The following LTBP4 variants were observed in gnomAD, a reference collection of about 807,000 sequenced individuals.
The protein encoded by LTBP4 is latent transforming growth factor beta binding protein 4.
In LTBP4, 93 loss-of-function variants were observed where a neutral mutation model predicts 180.2. That is an observed-to-expected ratio of 0.52 (90% CI 0.44 to 0.61). The LOEUF (loss-of-function observed/expected upper bound fraction) is 0.61. LTBP4 is among the 20% of genes least tolerant of loss of function. LTBP4 has a pLI of 0.00. For synonymous variants in LTBP4, 947 were observed against 934.5 expected (o/e 1.01, Z -0.24); for missense variants, 2,116 against 2,256.5 (o/e 0.94, Z 1.26).
chr19:40,614,720 C>T (rs960811499), intron 19 of LTBP4, among the ~76,000 whole-genome samples: 2 of 152,098 alleles, frequency 1.3e-5, no homozygotes, highest in Non-Finnish European at 2.9e-5. Flanking sequence ...AGTAAGACAC[C>T]GCCCCAAAAC....
chr19:40,617,279 G>A (rs1326264142), intron 21 of LTBP4, 54 bp downstream of exon 21: 3 of 1,579,060 alleles, frequency 1.9e-6, no homozygotes, highest in Non-Finnish European at 2.6e-6. Flanking sequence ...AGGTTGGTCA[G>A]GCCCTGTCCC....
At chr19:40,623,801 G>A (rs1842228715) in intron 25 of LTBP4, 69 bp downstream of exon 25, 6 of 1,603,372 alleles carry the variant, frequency 3.7e-6, no homozygotes, top group Non-Finnish European at 5.1e-6. Flanking sequence ...CTCCCCTCTG[G>A]AATGTGGCCA....
chr19:40,594,077 C>T lies in LTBP4; in HGVS notation c.16+896C>T, dbSNP rs573665688. Reference sequence around the variant, plus strand: ...CCTCCCAAAGTGCTGGGATTACAGACGTGAGCCGGCCTTATTCTGGGGGAG... The same window carrying T: ...CCTCCCAAAGTGCTGGGATTACAGATGTGAGCCGGCCTTATTCTGGGGGAG... On this transcript the variant is annotated intron_variant, in intron 1 of 32. Transcript: ENST00000204005. Among the ~76,000 whole-genome samples the T allele has an allele frequency of 2.3e-4, 32 of 139,938 alleles. 1 individual carries two copies. In the East Asian group the frequency reaches 3.8e-3, roughly 16 times the overall value. 91.8% of individuals were successfully genotyped at this position (139,938 alleles called of 152,430 possible). A position where few individuals can be genotyped will look rare whatever the true frequency, so the allele number is the denominator to read the frequency against.
rs2081490170 is a variant in LTBP4, at chr19:40,609,694, G to A, written c.1558+33G>A. The stretch of plus-strand genomic sequence containing the variant: ...AGACGGAGGGCGCGGAAGGAGGCGG[G>A]GCGGGGGGCTTTGCCTGGTCACCTT... On this transcript the variant is annotated intron_variant, in intron 10 of 29. Transcript: ENST00000396819. The surrounding 1 kb of genome is among the most constrained non-coding windows in gnomAD (Gnocchi z 4.9). 1 of 1,611,772 alleles carries A rather than the reference G, an allele frequency of 6.2e-7. No individual in the cohort carries two copies. The highest frequency in any genetic ancestry group is 8.5e-7 in the Non-Finnish European group (1 of 1,178,730).
At position 40,623,992 on chromosome 19, in the gene LTBP4, A is replaced by T; in HGVS notation, c.3742A>T (p.Thr1248Ser). The T allele has an allele frequency of 1.2e-6, 2 of 1,613,590 alleles. No homozygotes were observed. Among genetic ancestry groups the T allele is most frequent in the Non-Finnish European group, 1.7e-6 (2 of 1,179,748 alleles). ...PACEGGRCVN[T>S]VGSYHCTCEP... ...CTGTGAGGGCGGCCGCTGTGTCAAC[A>T]CTGTGGGCTCTTATCACTGTACCTG... The change falls in exon 26 of 30, where the codon ACT becomes TCT. Residue 1248 changes from threonine to serine, a missense_variant. By Grantham distance (58) the Thr-to-Ser change is moderately conservative (BLOSUM62 1). Around this residue, in one of 5 missense-constraint regions of LTBP4, gnomAD observed 488 missense variants for 458.8 expected, o/e 1.06. Transcript: ENST00000396819.
At position 40,605,935 on chromosome 19, in the gene LTBP4, C is replaced by T. The variant is rs2081458159; in HGVS notation, c.793+104C>T. 2 of 1,262,184 alleles carry T rather than the reference C, an allele frequency of 1.6e-6. No homozygotes were observed. The highest frequency in any genetic ancestry group is 1.1e-6 in the Non-Finnish European group (1 of 922,762). The allele number at this position is 1,262,184 out of a possible 1,614,324, so 78.2% of individuals were successfully genotyped here. ...ATAAACCCAGTTCACAAATTGTAGC[C>T]ACGCCTACCCCATTGTGGAGGCGAC... is the stretch of plus-strand genomic sequence containing the variant. On this transcript the variant is annotated intron_variant, in intron 4 of 29. Coordinates refer to ENST00000396819, the MANE Select transcript of LTBP4 (RefSeq NM_001042545.2). The surrounding 1 kb of genome is among the most constrained non-coding windows in gnomAD (Gnocchi z 5.5).
rs750946756 is a variant in LTBP4 at position 40,611,302 on chromosome 19, G to C, written c.1961G>C (p.Cys654Ser). 3 of 1,612,090 alleles carry C rather than the reference G, an allele frequency of 1.9e-6. No homozygotes were observed. The highest frequency in any genetic ancestry group is 1.1e-5 in the South Asian group (1 of 90,974). ...GAGTGTGCCCAGGAGCCGCCGCCCT[G>C]TGGGCCCGGCCGCTGTGACAACACG... Reference protein sequence around the residue: ...VDECAQEPPPCGPGRCDNTAG... With the variant: ...VDECAQEPPPSGPGRCDNTAG... The change falls in exon 13 of 30, where the codon TGT becomes TCT. Residue 654 changes from cysteine (C) to serine (S), a missense_variant. This residue lies in a region of LTBP4 where 877 missense variants were observed against 873.6 expected (regional missense o/e 1.00). Coordinates refer to ENST00000396819, the MANE Select transcript of LTBP4 (RefSeq NM_001042545.2). The surrounding 1 kb of genome is among the most constrained non-coding windows in gnomAD (Gnocchi z 4.4).
chr19:40,610,410 GTCCCCA>G, intron 11 of LTBP4, 116 bp from the exon 12 acceptor site: 1 of 1,207,394 alleles, frequency 8.3e-7, no homozygotes, highest in South Asian at 1.5e-5. Context: ...TCCTGGCCGG[GTCCCCA>G]TCCTGGCTCT....
At chr19:40,614,563 C>T (rs2081533429) in intron 19 of LTBP4, 117 bp downstream of exon 19, 1 of 1,294,900 alleles carries the variant, frequency 7.7e-7, no homozygotes, top group African/African-American at 1.5e-5. Flanking sequence ...GAAAGAACAC[C>T]CTCTCACCGT....
Position 40,613,310 on chromosome 19 carries a change from C to T in LTBP4, c.2432-94C>T, listed in dbSNP as rs1348739896. 1 of 1,549,340 alleles carries T rather than the reference C, an allele frequency of 6.5e-7. No individual in the cohort carries two copies. The highest frequency in any genetic ancestry group is 8.7e-7 in the Non-Finnish European group (1 of 1,145,578). ...GGCGCTGTGGGAGGAGCTTAGAAACCTGGCATTGGTGGGGGCGGGGTTACT... is the reference window on the plus strand; with the variant it reads ...GGCGCTGTGGGAGGAGCTTAGAAACTTGGCATTGGTGGGGGCGGGGTTACT... On this transcript the variant is annotated intron_variant, in intron 16 of 29. Coordinates refer to ENST00000396819, the MANE Select transcript of LTBP4 (RefSeq NM_001042545.2). The surrounding 1 kb of genome is among the most constrained non-coding windows in gnomAD (Gnocchi z 5.0).
In LTBP4 at chr19:40,629,433, G is replaced by A. The variant is rs1039609333; in HGVS notation, c.4557G>A (p.Pro1519=). ...NECDEAEAAS[P]LCVNARCLNT... The stretch of plus-strand genomic sequence containing the variant: ...GTGATGAGGCCGAGGCTGCCTCCCC[G>A]CTGTGCGTCAACGCGCGTTGCCTCA... Residue 1519 remains proline, a synonymous_variant, in exon 30 of 30, where the codon CCG becomes CCA. Coordinates refer to ENST00000396819, the MANE Select transcript of LTBP4 (RefSeq NM_001042545.2). The surrounding 1 kb of genome is among the most constrained non-coding windows in gnomAD (Gnocchi z 4.5). The A allele has an allele frequency of 4.3e-6, 7 of 1,612,552 alleles. No individual in the cohort carries two copies. Among genetic ancestry groups the A allele is most frequent in the East Asian group, 4.5e-5 (2 of 44,868 alleles).
chr19:40,608,404 C>T lies in LTBP4; in HGVS notation c.1306+35C>T, dbSNP rs765149037. On this transcript the variant is annotated intron_variant, in intron 8 of 29. Transcript: ENST00000396819. ...CTCTGGCAGAAGTGGGTGCCATCTT[C>T]AAGGGGCTGCCCCAGCCCCATAGTG... 8.1e-6 allele frequency: 13 copies of T among 1,606,528 alleles called. No individual in the cohort carries two copies. In the East Asian group the frequency reaches 2.5e-4, roughly 30 times the overall value.
upstream of LTBP4, among the ~76,000 whole-genome samples, chr19:40,596,882 C>T (rs2081393216): frequency 6.6e-6 from 1 of 152,096 alleles, no homozygotes; most frequent in Admixed American, 6.5e-5. Context: ...CTGCCCCCAA[C>T]CCCGCTCCCG....
At chr19:40,615,129 C>G (rs1340288481) in intron 19 of LTBP4, among the ~76,000 whole-genome samples, 3 of 143,712 alleles carry the variant, frequency 2.1e-5, no homozygotes, top group African/African-American at 7.8e-5. Flanking sequence ...CCTCCCGGGT[C>G]AGGCTCCAGC....
At chr19:40,600,265 T>G, upstream of LTBP4, 1 of 625,194 alleles carries the variant, frequency 1.6e-6, no homozygotes, top group Non-Finnish European at 2.4e-6. The surrounding 1 kb of genome is among the most constrained non-coding windows in gnomAD (Gnocchi z 4.4). Flanking sequence ...AGCCGCCGCC[T>G]ACCCGCCCCC....
intron 29 of LTBP4, among the ~76,000 whole-genome samples, chr19:40,628,701 CAT>C (rs1357901604): frequency 6.6e-6 from 1 of 152,152 alleles, no homozygotes; most frequent in Non-Finnish European, 1.5e-5. Flanking sequence ...CATTGAGAGT[CAT>C]GTGCAAATGG....
At chr19:40,597,115 A>T, upstream of LTBP4, 5 of 976,444 alleles carry the variant, frequency 5.1e-6, no homozygotes, top group Non-Finnish European at 6.6e-6. Context: ...CCGTGGCTGG[A>T]CTGTGGAGAA....
intron 15 of LTBP4, 66 bp from the exon 16 acceptor site, chr19:40,612,999 C>T: frequency 6.5e-7 from 1 of 1,545,686 alleles, no homozygotes; most frequent in Non-Finnish European, 8.8e-7. Flanking sequence ...AGACACCCTA[C>T]TCCAAGGGGA....
At chr19:40,601,171 C>T (rs1238593242), upstream of LTBP4, among the ~76,000 whole-genome samples, 2 of 152,054 alleles carry the variant, frequency 1.3e-5, no homozygotes, top group Non-Finnish European at 2.9e-5. Context: ...ACAGAGGGGG[C>T]GCCCCGCTCA....
Sources: allele counts gnomAD v4.1 joint callset (sites outside exome capture counted in the v4.1 genomes callset), GRCh38; gene constraint gnomAD v4.1.1; regional missense constraint gnomAD v4.1.1; non-coding constraint Gnocchi (gnomAD v3.1); transcripts MANE v1.5; gene names NCBI Gene and HGNC (gene_info 2026-07-23, HGNC 2026-07-21).